HDAC9: variants seen among roughly 807,000 people sequenced by gnomAD.
The protein encoded by HDAC9 is histone deacetylase 9, also known as MEF-2 interacting transcription repressor (MITR) protein.
A neutral mutation model predicts 139.4 loss-of-function variants in HDAC9; 41 were observed. The observed-to-expected ratio is 0.29, with a 90% confidence interval of 0.23 to 0.38. HDAC9 has a LOEUF of 0.38. Ranked by LOEUF, HDAC9 falls within the 10% of genes least tolerant of loss-of-function variation. The probability of loss-of-function intolerance (pLI) is 1.00; values close to 1 mark genes in which losing one functional copy is unlikely to be tolerated. For synonymous variants in HDAC9, 517 were observed against 476.2 expected (o/e 1.09, Z -1.12); for missense variants, 1,147 against 1,297.0 (o/e 0.88, Z 1.78).
intron 21 of HDAC9, among the ~76,000 whole-genome samples, chr7:18,850,010 T>C (rs2129222855): frequency 6.6e-6 from 1 of 151,292 alleles, no homozygotes; most frequent in South Asian, 2.1e-4. Flanking sequence ...AAGTCCTTAG[T>C]AGTTTGCTTA....
chr7:18,108,223 G>C (rs962037370), intron 1 of HDAC9, among the ~76,000 whole-genome samples: 1 of 152,120 alleles, frequency 6.6e-6, no homozygotes, highest in African/African-American at 2.4e-5. Flanking sequence ...AAAACCCTCA[G>C]GTAAAGAAAT....
intron 6 of HDAC9, among the ~76,000 whole-genome samples, chr7:18,617,957 A>C (rs994308986): frequency 1.4e-4 from 22 of 152,208 alleles, no homozygotes; most frequent in Non-Finnish European, 3.2e-4. Flanking sequence ...AAATCAGAAG[A>C]AAACAAGGAA....
At chr7:18,201,852 A>G (rs911872489) in intron 2 of HDAC9, among the ~76,000 whole-genome samples, 2 of 152,234 alleles carry the variant, frequency 1.3e-5, no homozygotes, top group African/African-American at 4.8e-5. Flanking sequence ...AGGTAGCAAA[A>G]TCAGCCTAGG....
intron 22 of HDAC9, among the ~76,000 whole-genome samples, chr7:18,894,600 A>T (rs1457607186): frequency 1.3e-5 from 2 of 152,118 alleles, no homozygotes; most frequent in African/African-American, 4.8e-5. Flanking sequence ...TAGACTGCAC[A>T]TATAGACTGC....
rs1562893378 is a variant in HDAC9 at position 18,732,894 on chromosome 7, C to CACACACGTGTATGTATGTGTAT, written c.1909+5143_1909+5144insGTGTATGTATGTGTATACACAC. Among the ~76,000 whole-genome samples the CACACACGTGTATGTATGTGTAT allele has an allele frequency of 1.5e-4, 6 of 39,360 alleles. 1 individual carries two copies. Among genetic ancestry groups the CACACACGTGTATGTATGTGTAT allele is most frequent in the African/African-American group, 9.9e-4 (6 of 6,070 alleles). 25.8% of individuals were successfully genotyped at this position (39,360 alleles called of 152,430 possible). A position where few individuals can be genotyped will look rare whatever the true frequency, so the allele number is the denominator to read the frequency against. ...ACACACACACGTGTGCGTATGTGTA[C>CACACACGTGTATGTATGTGTAT]ACACACACGTGTGCGTATGTGTATA... On this transcript the variant is annotated intron_variant, in intron 13 of 25. Coordinates refer to ENST00000686413, the MANE Select transcript of HDAC9 (RefSeq NM_178425.4).
At position 19,000,684 on chromosome 7, in the gene HDAC9, T is replaced by C. The variant is rs940560964; in HGVS notation, c.*4622T>C. On this transcript the variant is annotated 3_prime_UTR_variant, in exon 26 of 26. Coordinates refer to ENST00000686413, the MANE Select transcript of HDAC9 (RefSeq NM_178425.4). ...ATCCAATGATAAGGTAATAAGGTTG[T>C]TGCAATTTCTCAAAGCATCTTAATT... The C allele has an allele frequency of 6.6e-6, 1 of 152,208 alleles. No homozygotes were observed. The highest frequency in any genetic ancestry group is 6.5e-5 in the Admixed American group (1 of 15,284). The allele number at this position is 152,208 out of a possible 1,614,324, so 9.4% of individuals were successfully genotyped here. A position where few individuals can be genotyped will look rare whatever the true frequency, so the allele number is the denominator to read the frequency against.
At chr7:18,581,572 G>A (rs909132572) in intron 2 of HDAC9, among the ~76,000 whole-genome samples, 1 of 152,146 alleles carries the variant, frequency 6.6e-6, no homozygotes, top group Non-Finnish European at 1.5e-5. Context: ...AGACTCCAGG[G>A]TCTCTTGAAT....
At chr7:18,929,501 T>C (rs1443940429) in intron 22 of HDAC9, among the ~76,000 whole-genome samples, 1 of 152,064 alleles carries the variant, frequency 6.6e-6, no homozygotes, top group Non-Finnish European at 1.5e-5. Flanking sequence ...CTTCTCATGC[T>C]TATAATTTAA....
At chr7:18,636,400 T>TATAAC in intron 8 of HDAC9, among the ~76,000 whole-genome samples, 1 of 138,062 alleles carries the variant, frequency 7.2e-6, no homozygotes, top group East Asian at 2.1e-4. Context: ...GCCCAAATCA[T>TATAAC]ATAACCTCAA....
chr7:18,366,899 A>G (rs200011628), intron 1 of HDAC9, among the ~76,000 whole-genome samples: 2,874 of 152,184 alleles, frequency 0.019, 41 homozygotes, highest in East Asian at 0.071. Flanking sequence ...TTAGTAAGAA[A>G]AAAATCTATA....
chr7:18,469,973 G>C (rs1456316517), intron 1 of HDAC9, among the ~76,000 whole-genome samples: 2 of 152,082 alleles, frequency 1.3e-5, no homozygotes, highest in Non-Finnish European at 1.5e-5. Flanking sequence ...GGTGATCTCT[G>C]TGCATAGCTT....
At chr7:18,819,456 T>C (rs1320508622) in intron 17 of HDAC9, among the ~76,000 whole-genome samples, 1 of 152,192 alleles carries the variant, frequency 6.6e-6, no homozygotes, top group Admixed American at 6.5e-5. Flanking sequence ...AAATGTGAAT[T>C]TCATCAGTTA....
chr7:18,923,461 T>C (rs545665706), intron 22 of HDAC9, among the ~76,000 whole-genome samples: 1 of 152,062 alleles, frequency 6.6e-6, no homozygotes, highest in African/African-American at 2.4e-5. Context: ...GCTTTTTTAT[T>C]TATTCTGGTA....
intron 2 of HDAC9, among the ~76,000 whole-genome samples, chr7:18,570,575 A>G (rs1190082389): frequency 1.3e-5 from 2 of 152,218 alleles, no homozygotes; most frequent in Non-Finnish European, 2.9e-5. Context: ...TAGAATCAGA[A>G]TGGAGTGGTT....
intron 16 of HDAC9, among the ~76,000 whole-genome samples, chr7:18,786,012 A>G (rs1766214136): frequency 6.6e-6 from 1 of 152,172 alleles, no homozygotes. Flanking sequence ...AAAGAAAATA[A>G]CTTTATAGAG....
intron 2 of HDAC9, among the ~76,000 whole-genome samples, chr7:18,209,979 C>T (rs1037898648): frequency 3.3e-5 from 5 of 151,444 alleles, no homozygotes; most frequent in African/African-American, 9.7e-5. Context: ...GGATTACAGG[C>T]GTGAGCCACC....
At chr7:18,941,027 T>A (rs1057349404) in intron 23 of HDAC9, among the ~76,000 whole-genome samples, 10 of 152,212 alleles carry the variant, frequency 6.6e-5, no homozygotes, top group Middle Eastern at 3.4e-3. Context: ...TTGTCATAGG[T>A]CTGGAAGCTG....
chr7:18,433,076 G>C (rs1011452959), intron 1 of HDAC9, among the ~76,000 whole-genome samples: 1 of 152,030 alleles, frequency 6.6e-6, no homozygotes, highest in African/African-American at 2.4e-5. Context: ...CCTGGGATGC[G>C]AGGTTGCTTT....
rs35227059 is a variant in HDAC9 at position 18,329,983 on chromosome 7, A to ATGTG, written c.-42+39488_-42+39491dup. Among the ~76,000 whole-genome samples the ATGTG allele has an allele frequency of 5.8e-3, 652 of 111,872 alleles. 3 individuals are homozygous for ATGTG. The highest frequency in any genetic ancestry group is 0.02 in the East Asian group (87 of 4,258). The allele number at this position is 111,872 out of a possible 152,430, so 73.4% of individuals were successfully genotyped here. A position where few individuals can be genotyped will look rare whatever the true frequency, so the allele number is the denominator to read the frequency against. ...TTGCTGCATTCTAAGGCTTGTGTGT[A>ATGTG]TGTGTGTGTGTGTGTGTGTGTGTTC... On this transcript the variant is annotated intron_variant, in intron 1 of 3. Transcript: ENST00000413509.
Sources: gnomAD v4.1 joint callset for allele counts (sites outside exome capture counted in the v4.1 genomes callset) on GRCh38, gnomAD v4.1.1 for gene constraint, MANE v1.5 for transcripts, NCBI Gene and HGNC (gene_info 2026-07-23, HGNC 2026-07-21) for gene names.